KLHL6: variants seen among roughly 807,000 people sequenced by gnomAD.
The protein encoded by KLHL6 is kelch-like protein 6.
In KLHL6, 41 loss-of-function variants were observed where a neutral mutation model predicts 58.6. The observed-to-expected ratio is 0.70, with a 90% CI of 0.55 to 0.91. The LOEUF (loss-of-function observed/expected upper bound fraction) is 0.91. Among genes scored for constraint, KLHL6 ranks in the 40% least tolerant of loss-of-function variants. KLHL6 has a pLI of 0.00. For synonymous variants in KLHL6, 338 were observed against 322.7 expected (o/e 1.05, Z -0.51); for missense variants, 714 against 805.6 (o/e 0.89, Z 1.38).
In KLHL6 at chr3:183,490,319, G is replaced by C. The variant is rs898915565; in HGVS notation, c.*1608C>G. Reference sequence around the variant, plus strand: ...AGTGTACCATCAAGGAGAATCTGTCGCTCCTGTGTAGGCCAGCTGTGCTCA... The same window carrying C: ...AGTGTACCATCAAGGAGAATCTGTCCCTCCTGTGTAGGCCAGCTGTGCTCA... On this transcript the variant is annotated 3_prime_UTR_variant, in exon 7 of 7. Transcript: ENST00000341319. 1 of 152,136 alleles carries C rather than the reference G, an allele frequency of 6.6e-6. No individual in the cohort carries two copies. The highest frequency in any genetic ancestry group is 2.4e-5 in the African/African-American group (1 of 41,414). 9.4% of individuals were successfully genotyped at this position (152,136 alleles called of 1,614,324 possible). A position where few individuals can be genotyped will look rare whatever the true frequency, so the allele number is the denominator to read the frequency against.
chr3:183,525,267 A>ACACACACACACACACAC (rs1553811023), intron 2 of KLHL6, among the ~76,000 whole-genome samples: 7,158 of 125,206 alleles, frequency 0.057, 273 homozygotes, highest in Non-Finnish European at 0.074. Context: ...CTCTAAAAAA[A>ACACACACACACACACAC]AAACACACAC....
At chr3:183,497,350 T>C (rs989320138) in intron 4 of KLHL6, among the ~76,000 whole-genome samples, 3 of 152,144 alleles carry the variant, frequency 2.0e-5, no homozygotes, top group African/African-American at 7.2e-5. Context: ...AGGCAGAGGT[T>C]GCAGTGAGCC....
intron 3 of KLHL6, among the ~76,000 whole-genome samples, chr3:183,504,216 A>G (rs979214103): frequency 6.6e-6 from 1 of 152,214 alleles, no homozygotes; most frequent in African/African-American, 2.4e-5. Context: ...CTTAGCTTGT[A>G]CCAGACACTG....
intron 2 of KLHL6, among the ~76,000 whole-genome samples, chr3:183,511,104 G>C (rs188071448): frequency 6.6e-6 from 1 of 152,128 alleles, no homozygotes; most frequent in Admixed American, 6.5e-5. Context: ...AGTATTTATT[G>C]ATTACTATTT....
intron 1 of KLHL6, among the ~76,000 whole-genome samples, chr3:183,551,203 G>A (rs907411483): frequency 6.6e-6 from 1 of 152,032 alleles, no homozygotes; most frequent in Non-Finnish European, 1.5e-5. Context: ...GGGTAAGATG[G>A]TAAACCAGGG....
chr3:183,509,882 A>C (rs1212488417), intron 2 of KLHL6, among the ~76,000 whole-genome samples: 1 of 152,218 alleles, frequency 6.6e-6, no homozygotes, highest in Non-Finnish European at 1.5e-5. Flanking sequence ...GAAGACTATG[A>C]GAATTTTTCT....
intron 1 of KLHL6, among the ~76,000 whole-genome samples, chr3:183,541,379 G>T (rs1161241296): frequency 6.6e-6 from 1 of 152,198 alleles, no homozygotes; most frequent in Non-Finnish European, 1.5e-5. Flanking sequence ...AGACGTGAAG[G>T]AGGAGCTGCC....
At chr3:183,534,078 A>AAAAGTACTTTACTTTTAAAGTACTTTT (rs1560106868) in intron 1 of KLHL6, among the ~76,000 whole-genome samples, 10 of 136,382 alleles carry the variant, frequency 7.3e-5, no homozygotes, top group Admixed American at 7.1e-4. Flanking sequence ...ACCAGCCTTT[A>AAAAGTACTTTACTTTTAAAGTACTTTT]AAAGTACTTT....
At chr3:183,550,842 T>C (rs920124614) in intron 1 of KLHL6, among the ~76,000 whole-genome samples, 10 of 151,562 alleles carry the variant, frequency 6.6e-5, no homozygotes, top group East Asian at 3.9e-4. Flanking sequence ...TCCTATGGGC[T>C]GGGCGCAGTG....
chr3:183,513,885 G>C (rs1011068579), intron 2 of KLHL6, among the ~76,000 whole-genome samples: 2 of 151,864 alleles, frequency 1.3e-5, no homozygotes, highest in Non-Finnish European at 2.9e-5. Flanking sequence ...TCCACCACCC[G>C]ACAGGCCCCA....
intron 1 of KLHL6, among the ~76,000 whole-genome samples, chr3:183,529,362 GC>G (rs1017963703): frequency 4.0e-5 from 6 of 151,874 alleles, no homozygotes; most frequent in African/African-American, 1.5e-4. Context: ...CCCATGCCAA[GC>G]CCATAAGAAT....
intron 1 of KLHL6, among the ~76,000 whole-genome samples, chr3:183,530,740 A>T (rs1252837435): frequency 2.0e-5 from 3 of 152,162 alleles, no homozygotes; most frequent in Non-Finnish European, 4.4e-5. Context: ...GTTTGAACTG[A>T]AGGGGAAGAG....
At position 183,489,162 on chromosome 3, in the gene KLHL6, TA is replaced by T. The variant is rs1274539803; in HGVS notation, c.*2764del. ...AAAGGACCGCCATCCCCTCCCTGAC[TA>T]GGGGCGCTGTCTTTTTGAAGGGAGG... On this transcript the variant is annotated 3_prime_UTR_variant, in exon 7 of 7. Transcript: ENST00000341319. The T allele has an allele frequency of 1.3e-5, 2 of 152,208 alleles. No homozygotes were observed. Among genetic ancestry groups the T allele is most frequent in the African/African-American group, 4.8e-5 (2 of 41,446 alleles). The allele number at this position is 152,208 out of a possible 1,614,324, so 9.4% of individuals were successfully genotyped here.
chr3:183,525,926 A>G (rs1399877242), intron 2 of KLHL6, among the ~76,000 whole-genome samples: 2 of 152,284 alleles, frequency 1.3e-5, no homozygotes, highest in African/African-American at 2.4e-5. Flanking sequence ...TATGAAGAAC[A>G]GCAGGACACT....
chr3:183,533,591 C>T (rs904981969), intron 1 of KLHL6, among the ~76,000 whole-genome samples: 4 of 152,022 alleles, frequency 2.6e-5, no homozygotes, highest in African/African-American at 9.7e-5. Context: ...TTCTTTACCC[C>T]TTTTCCTAAT....
intron 2 of KLHL6, among the ~76,000 whole-genome samples, chr3:183,517,453 T>C (rs911678726): frequency 6.6e-6 from 1 of 152,206 alleles, no homozygotes; most frequent in Non-Finnish European, 1.5e-5. Flanking sequence ...CTGCTCCCTC[T>C]AGCCACTCCT....
At chr3:183,495,848 T>C (rs912326391) in intron 4 of KLHL6, among the ~76,000 whole-genome samples, 2 of 152,140 alleles carry the variant, frequency 1.3e-5, no homozygotes, top group Non-Finnish European at 2.9e-5. Flanking sequence ...AACAGTGCAG[T>C]ACTAGACAAA....
Position 183,530,273 on chromosome 3 carries a change from T to C in KLHL6, c.294-2263A>G, listed in dbSNP as rs369697946. 6.6e-5 allele frequency among the ~76,000 whole-genome samples: 10 copies of C among 152,210 alleles called. No homozygotes were observed. In the East Asian group the frequency reaches 1.7e-3, roughly 26 times the overall value. The stretch of plus-strand genomic sequence containing the variant: ...AGGTAAAAGCTAGAAAAAGTCTAGA[T>C]TGCCACAAATAGGATGTTGGCAGAA... On this transcript the variant is annotated intron_variant, in intron 1 of 6. Coordinates refer to ENST00000341319, the MANE Select transcript of KLHL6 (RefSeq NM_130446.4).
At chr3:183,554,713 A>G (rs893589646) in intron 1 of KLHL6, among the ~76,000 whole-genome samples, 7 of 152,256 alleles carry the variant, frequency 4.6e-5, no homozygotes, top group African/African-American at 1.7e-4. Context: ...TTATGTTTCC[A>G]ACACCAGTCA....
Sources: allele counts gnomAD v4.1 joint callset (sites outside exome capture counted in the v4.1 genomes callset), GRCh38; gene constraint gnomAD v4.1.1; transcripts MANE v1.5; gene names NCBI Gene and HGNC (gene_info 2026-07-23, HGNC 2026-07-21).